The following GSE1 variants were observed in gnomAD, a reference collection of about 807,000 sequenced individuals.
GSE1 encodes the protein genetic suppressor element 1.
In GSE1, 32 loss-of-function variants were observed where a neutral mutation model predicts 112.6. The observed-to-expected ratio is 0.28, with a 90% CI of 0.21 to 0.38. The LOEUF (loss-of-function observed/expected upper bound fraction) is 0.38, where lower values mean the gene tolerates loss of function less well. Among genes scored for constraint, GSE1 ranks in the 10% least tolerant of loss-of-function variants. The pLI is 1.00. For missense variants in GSE1, 2,348 were observed against 1,699.2 expected, an observed-to-expected ratio of 1.38 and a Z score of -6.71; for synonymous variants, 1,115 against 735.6, an observed-to-expected ratio of 1.52 and a Z score of -8.35.
intron 1 of GSE1, among the ~76,000 whole-genome samples, chr16:85,258,999 G>C (rs1907380268): frequency 6.6e-6 from 1 of 152,184 alleles, no homozygotes; most frequent in East Asian, 1.9e-4. Flanking sequence ...TCTTCTGGGA[G>C]GCCCCCAGGA....
chr16:85,275,128 C>CG (rs1196712982), intron 1 of GSE1, among the ~76,000 whole-genome samples: 1 of 152,216 alleles, frequency 6.6e-6, no homozygotes, highest in African/African-American at 2.4e-5. Flanking sequence ...AGACACAGAC[C>CG]TGGGCCTGTG....
intron 1 of GSE1, among the ~76,000 whole-genome samples, chr16:85,238,854 A>G (rs749399384): frequency 6.6e-6 from 1 of 152,080 alleles, no homozygotes; most frequent in Non-Finnish European, 1.5e-5. Flanking sequence ...CCTCCAACAG[A>G]TACTTAATGA....
chr16:85,376,956 G>A (rs941992047), intron 2 of GSE1, among the ~76,000 whole-genome samples: 2 of 152,276 alleles, frequency 1.3e-5, no homozygotes, highest in South Asian at 4.1e-4. Flanking sequence ...CAGGTTGCAC[G>A]CTGTGCAGTC....
At chr16:85,613,313 G>A (rs2048120960), upstream of GSE1, 4 of 1,547,848 alleles carry the variant, frequency 2.6e-6, no homozygotes, top group Non-Finnish European at 3.5e-6. Flanking sequence ...AGCCCCGGGT[G>A]AGATAAGCAG....
At chr16:85,333,838 C>T (rs140399692) in intron 1 of GSE1, among the ~76,000 whole-genome samples, 1 of 152,276 alleles carries the variant, frequency 6.6e-6, no homozygotes, top group Non-Finnish European at 1.5e-5. Flanking sequence ...CTCCTCCCCC[C>T]ACAGCCCTGC....
Position 85,281,765 on chromosome 16 carries a change from A to T in GSE1, c.2284-75698A>T, listed in dbSNP as rs181978937. Among the ~76,000 whole-genome samples, 5 of 152,204 alleles carry T rather than the reference A, an allele frequency of 3.3e-5. No homozygotes were observed. The East Asian group carries it at 9.7e-4, about 29-fold the overall frequency. ...TGGTGTCCAGTGATGGGGTGGGAGGATGGAGAGCATGTGCACGGGGTTAGT... is the reference window on the plus strand; with the variant it reads ...TGGTGTCCAGTGATGGGGTGGGAGGTTGGAGAGCATGTGCACGGGGTTAGT... On this transcript the variant is annotated intron_variant, in intron 1 of 2. Transcript: ENST00000637419.
intron 1 of GSE1, among the ~76,000 whole-genome samples, chr16:85,191,029 C>T (rs1037948914): frequency 6.6e-5 from 10 of 152,214 alleles, no homozygotes; most frequent in Non-Finnish European, 1.3e-4. Context: ...GAGGTCACGG[C>T]AGGTGGATCG....
chr16:85,499,358 C>T (rs947475827), intron 2 of GSE1, among the ~76,000 whole-genome samples: 18 of 129,178 alleles, frequency 1.4e-4, no homozygotes, highest in African/African-American at 4.7e-4. Flanking sequence ...TCGCCTAGGC[C>T]GGAGTGCAGT....
chr16:85,191,774 C>T (rs62048640), intron 1 of GSE1, among the ~76,000 whole-genome samples: 4 of 152,120 alleles, frequency 2.6e-5, no homozygotes, highest in Admixed American at 6.5e-5. Context: ...TGAGAAGGGC[C>T]GCTTGTGCTG....
intron 1 of GSE1, among the ~76,000 whole-genome samples, chr16:85,342,587 C>T (rs1348731732): frequency 6.6e-6 from 1 of 152,182 alleles, no homozygotes; most frequent in Non-Finnish European, 1.5e-5. Flanking sequence ...TCCTCCTCCT[C>T]AGAGCGCATG....
In GSE1 at chr16:85,663,545, A is replaced by G; in HGVS notation, c.2575A>G (p.Asn859Asp). ...CCCTGATGAGATGAACAACAGTCCC[A>G]ACTTCGAAGAAAAGAAGAAGTTCCT... Reference protein sequence around the residue: ...YSPDEMNNSPNFEEKKKFLTI... With the variant: ...YSPDEMNNSPDFEEKKKFLTI... Residue 859 changes from asparagine to aspartate, a missense_variant, in exon 11 of 16, where the codon AAC becomes GAC. By Grantham distance (23) the Asn-to-Asp change is conservative (BLOSUM62 1). Transcript: ENST00000253458. 1 of 1,613,840 alleles carries G rather than the reference A, an allele frequency of 6.2e-7. No individual in the cohort carries two copies. Among genetic ancestry groups the G allele is most frequent in the Non-Finnish European group, 8.5e-7 (1 of 1,179,996 alleles).
chr16:85,569,938 G>A (rs994064950), intron 1 of GSE1, among the ~76,000 whole-genome samples: 2 of 152,202 alleles, frequency 1.3e-5, no homozygotes, highest in East Asian at 3.8e-4. Flanking sequence ...TGAGCCCTAG[G>A]GGGTGGAGGT....
intron 1 of GSE1, among the ~76,000 whole-genome samples, chr16:85,632,847 C>T (rs952823694): frequency 1.3e-5 from 2 of 152,278 alleles, no homozygotes; most frequent in Non-Finnish European, 2.9e-5. Context: ...GGGGTGGGGG[C>T]GTCTCTGCGG....
rs185176317 is a variant in GSE1 at position 85,625,190 on chromosome 16, C to T, written c.8-8724C>T. Among the ~76,000 whole-genome samples, 53 of 152,318 alleles carry T rather than the reference C, an allele frequency of 3.5e-4. 2 individuals carry two copies. In the East Asian group the frequency reaches 5.2e-3, roughly 15 times the overall value. On this transcript the variant is annotated intron_variant, in intron 1 of 15. Transcript: ENST00000253458. ...CCGCATCTGCCAGTCCCGCCCTTCC[C>T]GCCGCCCTCCTCTCCAGCCCTTCAT...
intron 1 of GSE1, among the ~76,000 whole-genome samples, chr16:85,264,377 G>C (rs1456967987): frequency 1.3e-5 from 2 of 152,124 alleles, no homozygotes; most frequent in Non-Finnish European, 2.9e-5. Flanking sequence ...GGGGAGCCCT[G>C]GCCTCACGCT....
intron 1 of GSE1, among the ~76,000 whole-genome samples, chr16:85,330,774 C>T (rs1211267413): frequency 6.6e-6 from 1 of 152,232 alleles, no homozygotes; most frequent in Non-Finnish European, 1.5e-5. Context: ...GGATAAATGT[C>T]AGTGGCCAAG....
At chr16:85,652,565 G>GCGGCTC (rs1555563150) in intron 3 of GSE1, among the ~76,000 whole-genome samples, 13 of 151,752 alleles carry the variant, frequency 8.6e-5, no homozygotes, top group African/African-American at 2.7e-4. Flanking sequence ...GGCGGCGGCG[G>GCGGCTC]CTCCTCCAGT....
At position 85,657,617 on chromosome 16, in the gene GSE1, C is replaced by A; in HGVS notation, c.1640+13C>A. ...AGAGCACCACCAGGTGAGTGAGCCC[C>A]AGGAAGGAAGGAGGGATGAGCCTTC... On this transcript the variant is annotated intron_variant, in intron 8 of 15. Transcript: ENST00000253458. 3 of 1,494,442 alleles carry A rather than the reference C, an allele frequency of 2.0e-6. No homozygotes were observed. The highest frequency in any genetic ancestry group is 1.4e-5 in the South Asian group (1 of 73,424). The allele number at this position is 1,494,442 out of a possible 1,614,324, so 92.6% of individuals were successfully genotyped here.
intron 2 of GSE1, among the ~76,000 whole-genome samples, chr16:85,370,957 C>T (rs966054208): frequency 1.3e-5 from 2 of 152,144 alleles, no homozygotes; most frequent in Admixed American, 6.5e-5. Context: ...CAGGGTGGGG[C>T]GGAGGCTGGG....
Sources: gnomAD v4.1 joint callset for allele counts (sites outside exome capture counted in the v4.1 genomes callset) on GRCh38, gnomAD v4.1.1 for gene constraint, MANE v1.5 for transcripts, NCBI Gene and HGNC (gene_info 2026-07-23, HGNC 2026-07-21) for gene names.